HNRNPR: variants seen among roughly 807,000 people sequenced by gnomAD.
The protein encoded by HNRNPR is heterogeneous nuclear ribonucleoprotein R.
HNRNPR carries 4 observed loss-of-function variants against 70.3 expected under a neutral mutation model. The ratio of observed to expected loss-of-function variants is 0.06; its 90% CI spans 0.03 to 0.13. The LOEUF (loss-of-function observed/expected upper bound fraction) is 0.13. Ranked by LOEUF, HNRNPR falls within the 10% of genes least tolerant of loss-of-function variation. HNRNPR has a pLI of 1.00. For missense variants in HNRNPR, 423 were observed against 788.5 expected (o/e 0.54, Z 5.55); for synonymous variants, 241 against 267.6 (o/e 0.90, Z 0.97).
At chr1:23,337,614 G>C (rs970813659) in intron 4 of HNRNPR, 140 bp downstream of exon 4, 1 of 570,914 alleles carries the variant, frequency 1.8e-6, no homozygotes, top group African/African-American at 2.0e-5. Context: ...CCAAGACTGC[G>C]CCGCTACTCC....
chr1:23,311,869 T>C (rs1645349443), intron 9 of HNRNPR: 2 of 152,590 alleles, frequency 1.3e-5, no homozygotes, highest in African/African-American at 4.8e-5. Context: ...TAGGTTTCCC[T>C]CACAATGCTT....
intron 7 of HNRNPR, among the ~76,000 whole-genome samples, chr1:23,321,261 A>G (rs936069223): frequency 1.3e-5 from 2 of 152,116 alleles, no homozygotes; most frequent in African/African-American, 2.4e-5. Flanking sequence ...AGGGGAAAAA[A>G]AGCATTCACT....
At chr1:23,342,439 T>C (rs115260730) in intron 1 of HNRNPR, among the ~76,000 whole-genome samples, 104 of 152,332 alleles carry the variant, frequency 6.8e-4, no homozygotes, top group Non-Finnish European at 1.3e-3. Context: ...TAGCCCTTAA[T>C]AGACGCAGAC....
At position 23,311,082 on chromosome 1, in the gene HNRNPR, A is replaced by G; in HGVS notation, c.1290-16T>C. 1 of 1,610,380 alleles carries G rather than the reference A, an allele frequency of 6.2e-7. No homozygotes were observed. The highest frequency in any genetic ancestry group is 1.3e-5 in the African/African-American group (1 of 74,786). ...ATCTTCATACCTAGCAAAGTAGAGA[A>G]GGGAGAAAAGAAAAAACAAATCAGT... On this transcript the variant is annotated splice_polypyrimidine_tract_variant and intron_variant, in intron 10 of 10. Transcript: ENST00000302271.
chr1:23,341,519 CA>C (rs1237429178), intron 1 of HNRNPR, among the ~76,000 whole-genome samples: 1 of 151,958 alleles, frequency 6.6e-6, no homozygotes, highest in Non-Finnish European at 1.5e-5. Context: ...TTCTCTAGTT[CA>C]ACATGCTGGT....
At position 23,307,803 on chromosome 1, in the gene HNRNPR, T is replaced by C. The variant is rs1179717219; in HGVS notation, c.*2651A>G. On this transcript the variant is annotated 3_prime_UTR_variant, in exon 11 of 11. Coordinates refer to ENST00000302271, the MANE Select transcript of HNRNPR (RefSeq NM_005826.5). ...ATATATTTCCCAACACACACTTTAC[T>C]GTAACAGGCTCATAAATAAAGCCAA... 6.6e-6 allele frequency: 1 copy of C among 151,774 alleles called. No homozygotes were observed. Among genetic ancestry groups the C allele is most frequent in the Non-Finnish European group, 1.5e-5 (1 of 67,904 alleles). 9.4% of individuals were successfully genotyped at this position (151,774 alleles called of 1,614,324 possible).
intron 4 of HNRNPR, 38 bp from the exon 5 acceptor site, chr1:23,333,669 A>G (rs1421978183): frequency 6.1e-6 from 7 of 1,145,982 alleles, no homozygotes; most frequent in Non-Finnish European, 7.9e-6. Context: ...CTTGAGTACT[A>G]AATCTCACAC....
chr1:23,341,514 T>C (rs1375695294), intron 1 of HNRNPR, among the ~76,000 whole-genome samples: 1 of 152,182 alleles, frequency 6.6e-6, no homozygotes, highest in Non-Finnish European at 1.5e-5. Flanking sequence ...CTGTTTTCTC[T>C]AGTTCAACAT....
At chr1:23,328,391 G>A (rs185719984) in intron 5 of HNRNPR, among the ~76,000 whole-genome samples, 283 of 152,330 alleles carry the variant, frequency 1.9e-3, no homozygotes, top group African/African-American at 6.6e-3. Context: ...TGGTATAGTA[G>A]GGTGATAGCT....
At position 23,310,380 on chromosome 1, in the gene HNRNPR, A is replaced by AT; in HGVS notation, c.*73_*74insA. 4.9e-6 allele frequency: 7 copies of AT among 1,422,588 alleles called. No individual in the cohort carries two copies. Among genetic ancestry groups the AT allele is most frequent in the South Asian group, 1.4e-5 (1 of 69,440 alleles). 88.1% of individuals were successfully genotyped at this position (1,422,588 alleles called of 1,614,324 possible). ...TACTTAAAGATGAAACAGTTAAGCC[A>AT]ATTTTTTTTTTTGAAGAATGTAGAT... On this transcript the variant is annotated 3_prime_UTR_variant, in exon 11 of 11. Coordinates refer to ENST00000302271, the MANE Select transcript of HNRNPR (RefSeq NM_005826.5). The surrounding 1 kb of genome is among the most constrained non-coding windows in gnomAD (Gnocchi z 6.0).
chr1:23,337,000 C>G lies in HNRNPR; in HGVS notation c.384+754G>C, dbSNP rs561734839. 2.6e-5 allele frequency among the ~76,000 whole-genome samples: 4 copies of G among 152,262 alleles called. 1 individual carries two copies. In the South Asian group the frequency reaches 8.3e-4, roughly 32 times the overall value. On this transcript the variant is annotated intron_variant, in intron 4 of 10. Coordinates refer to ENST00000302271, the MANE Select transcript of HNRNPR (RefSeq NM_005826.5). Reference sequence around the variant, plus strand: ...TATATGTTAATTCATTTACTCCTTACAATAACTCTGTAAGGTAGTCACTAT... The same window carrying G: ...TATATGTTAATTCATTTACTCCTTAGAATAACTCTGTAAGGTAGTCACTAT...
intron 2 of HNRNPR, among the ~76,000 whole-genome samples, chr1:23,339,158 T>G (rs1646617449): frequency 6.6e-6 from 1 of 152,240 alleles, no homozygotes; most frequent in Non-Finnish European, 1.5e-5. Flanking sequence ...TGAAATGCAT[T>G]TGTTTATCTG....
At chr1:23,338,415 C>A in intron 3 of HNRNPR, 75 bp downstream of exon 3, 1 of 609,588 alleles carries the variant, frequency 1.6e-6, no homozygotes. Flanking sequence ...ACCACTTCTC[C>A]ATAGGAAAAA....
Position 23,331,834 on chromosome 1 carries a change from TAAAAAAAA to T in HNRNPR, c.498+1676_498+1683del, listed in dbSNP as rs59006948. 8.8e-3 allele frequency among the ~76,000 whole-genome samples: 522 copies of T among 59,282 alleles called. 4 individuals carry two copies. Among genetic ancestry groups the T allele is most frequent in the Middle Eastern group, 0.029 (1 of 34 alleles). 38.9% of individuals were successfully genotyped at this position (59,282 alleles called of 152,430 possible). A position where few individuals can be genotyped will look rare whatever the true frequency, so the allele number is the denominator to read the frequency against. On this transcript the variant is annotated intron_variant, in intron 5 of 10. Transcript: ENST00000302271. ...CTGGGTGACAGTGAGACTGTTTCTT[TAAAAAAAA>T]AAAAAAAAAAAAAAAAAAAAGGTCC... is the stretch of plus-strand genomic sequence containing the variant.
chr1:23,343,372 G>A (rs547969413), intron 1 of HNRNPR, among the ~76,000 whole-genome samples: 2 of 152,280 alleles, frequency 1.3e-5, no homozygotes, highest in South Asian at 2.1e-4. Context: ...GGAGTGTCGA[G>A]CTCTCATCCT....
intron 4 of HNRNPR, among the ~76,000 whole-genome samples, chr1:23,334,804 G>T (rs758955634): frequency 1.1e-4 from 17 of 152,068 alleles, no homozygotes; most frequent in Non-Finnish European, 2.5e-4. Flanking sequence ...TTGCTCTCAG[G>T]AATTTATGTT....
At chr1:23,317,317 C>T (rs1041075225) in intron 8 of HNRNPR, among the ~76,000 whole-genome samples, 1 of 152,108 alleles carries the variant, frequency 6.6e-6, no homozygotes, top group Admixed American at 6.5e-5. Flanking sequence ...AATTAGCCAG[C>T]TGTGGTGGCG....
chr1:23,317,811 C>T (rs893766786), intron 8 of HNRNPR, among the ~76,000 whole-genome samples: 4 of 151,670 alleles, frequency 2.6e-5, no homozygotes, highest in African/African-American at 9.7e-5. Flanking sequence ...GAAATGCTGT[C>T]TCTACTAAAA....
In HNRNPR at chr1:23,337,748, T is replaced by C. The variant is rs751483462; in HGVS notation, c.384+6A>G. 11 of 1,568,760 alleles carry C rather than the reference T, an allele frequency of 7.0e-6. No individual in the cohort carries two copies. In the Admixed American group the frequency reaches 1.5e-4, roughly 22 times the overall value. ...TTTCATTACAACTACCCAAGTCAAGTTTTACCTTGATCTTCGCTTCATCAG... is the reference window on the plus strand; with the variant it reads ...TTTCATTACAACTACCCAAGTCAAGCTTTACCTTGATCTTCGCTTCATCAG... On this transcript the variant is annotated splice_donor_region_variant and intron_variant, in intron 4 of 10. Coordinates refer to ENST00000302271, the MANE Select transcript of HNRNPR (RefSeq NM_005826.5).
Sources: gnomAD v4.1 joint callset for allele counts (sites outside exome capture counted in the v4.1 genomes callset) on GRCh38, gnomAD v4.1.1 for gene constraint, Gnocchi (gnomAD v3.1) non-coding constraint, MANE v1.5 for transcripts, NCBI Gene and HGNC (gene_info 2026-07-23, HGNC 2026-07-21) for gene names.